ISY1: variants seen among roughly 807,000 people sequenced by gnomAD.
ISY1 encodes ISY1 spliceosome associated protein, also known as pre-mRNA-splicing factor ISY1 homolog.
In ISY1, 12 loss-of-function variants were observed where a neutral mutation model predicts 54.4. The observed-to-expected ratio is 0.22, with a 90% CI of 0.14 to 0.36. The LOEUF (loss-of-function observed/expected upper bound fraction) is 0.36. ISY1 is among the 10% of genes least tolerant of loss of function. The pLI, the probability that ISY1 is intolerant of heterozygous loss-of-function variation, is 1.00. For synonymous variants in ISY1, 96 were observed against 117.9 expected, an observed-to-expected ratio of 0.81 and a Z score of 1.20; for missense variants, 282 against 342.2, an observed-to-expected ratio of 0.82 and a Z score of 1.39.
chr3:129,133,436 C>T lies in ISY1; in HGVS notation c.663+638G>A, dbSNP rs183320901. ...TAGGGCTGGGAGCAATGGTTCACAC[C>T]TGTCATCCCAGCACTTTGGGAGGCC... On this transcript the variant is annotated intron_variant, in intron 9 of 10. Transcript: ENST00000393295. 2.6e-5 allele frequency among the ~76,000 whole-genome samples: 4 copies of T among 152,328 alleles called. No individual in the cohort carries two copies. The East Asian group carries it at 7.7e-4, about 29-fold the overall frequency.
At chr3:129,132,973 C>A (rs539961212) in intron 9 of ISY1, among the ~76,000 whole-genome samples, 17 of 152,268 alleles carry the variant, frequency 1.1e-4, no homozygotes, top group African/African-American at 4.1e-4. Flanking sequence ...TCATGTGGAA[C>A]CTGAGCCATC....
In ISY1 at chr3:129,142,182, G is replaced by T. The variant is rs1576879583; in HGVS notation, c.301-1697C>A. ...ATCGCACGCCACTGCACTCCAGCCT[G>T]GACGACAGAGCGAGACTCTGTCTCG... is the stretch of plus-strand genomic sequence containing the variant. On this transcript the variant is annotated intron_variant, in intron 6 of 10. Transcript: ENST00000393295. Among the ~76,000 whole-genome samples the T allele has an allele frequency of 2.0e-5, 3 of 147,148 alleles. No individual in the cohort carries two copies. The East Asian group carries it at 6.1e-4, about 30-fold the overall frequency.
chr3:129,159,220 A>G (rs759049218), intron 1 of ISY1, 44 bp from the exon 2 acceptor site: 4 of 1,585,158 alleles, frequency 2.5e-6, no homozygotes, highest in African/African-American at 1.4e-5. Flanking sequence ...TGTTTAAAAT[A>G]TATTTTTTTC....
At chr3:129,153,784 TCAAAACAAAA>T (rs553614533) in intron 5 of ISY1, among the ~76,000 whole-genome samples, 3 of 151,750 alleles carry the variant, frequency 2.0e-5, no homozygotes, top group Admixed American at 6.6e-5. Flanking sequence ...AGACTCTGTC[TCAAAACAAAA>T]CAAAACAAAA....
At position 129,145,788 on chromosome 3, in the gene ISY1, T is replaced by C; in HGVS notation, c.273A>G (p.Ile91Met). 6.2e-7 allele frequency: 1 copy of C among 1,614,196 alleles called. No individual in the cohort carries two copies. ...CATAATCAGGACCTCCCAGCTCCTTTATCCGGACCTCCCAGTGTCCTTTCT... is the reference window on the plus strand; with the variant it reads ...CATAATCAGGACCTCCCAGCTCCTTCATCCGGACCTCCCAGTGTCCTTTCT... The part of the protein sequence containing the change: ...LREKGHWEVR[I>M]KELGGPDYGK... Residue 91 changes from isoleucine (I) to methionine (M), a missense_variant, in exon 6 of 11, where the codon ATA (isoleucine) becomes ATG (methionine). By Grantham distance (10) the Ile-to-Met change is conservative (BLOSUM62 1). Coordinates refer to ENST00000393295, the MANE Select transcript of ISY1 (RefSeq NM_020701.4).
chr3:129,146,648 T>C (rs573441206), intron 5 of ISY1, among the ~76,000 whole-genome samples: 14 of 152,174 alleles, frequency 9.2e-5, no homozygotes, highest in Non-Finnish European at 1.9e-4. Flanking sequence ...GGATACTGCA[T>C]GTGGAGGTGG....
At chr3:129,160,037 T>C (rs536889331) in intron 1 of ISY1, among the ~76,000 whole-genome samples, 68 of 152,252 alleles carry the variant, frequency 4.5e-4, no homozygotes, top group African/African-American at 1.6e-3. Flanking sequence ...TTTTTTTTTT[T>C]TTCTTTGAGA....
At chr3:129,156,768 AGACTT>A in intron 4 of ISY1, 82 bp downstream of exon 4, 10 of 1,564,558 alleles carry the variant, frequency 6.4e-6, no homozygotes, top group Non-Finnish European at 7.8e-6. Flanking sequence ...AAAAATACTT[AGACTT>A]TTGGTCTAAC....
intron 7 of ISY1, among the ~76,000 whole-genome samples, chr3:129,139,705 C>T (rs980678956): frequency 1.3e-5 from 2 of 151,916 alleles, no homozygotes; most frequent in Non-Finnish European, 2.9e-5. Flanking sequence ...TGCAATGGCA[C>T]GATCTCGGCT....
chr3:129,159,286 C>G, intron 1 of ISY1, 110 bp from the exon 2 acceptor site: 1 of 1,383,808 alleles, frequency 7.2e-7, no homozygotes, highest in Non-Finnish European at 9.9e-7. Flanking sequence ...AAGCAAACCA[C>G]TTGAAGTACT....
At chr3:129,132,279 T>A (rs930663281) in intron 9 of ISY1, among the ~76,000 whole-genome samples, 2 of 152,168 alleles carry the variant, frequency 1.3e-5, no homozygotes, top group Non-Finnish European at 2.9e-5. Context: ...TGGGGGGAAC[T>A]GGGTGAAGCA....
In ISY1 at chr3:129,137,231, GAACATACCA is replaced by G. The variant is rs545725592; in HGVS notation, c.419-2286_419-2278del. ...TAAAAAAATTTTTAAGGCCGGAAAGGAACATACCAAACAGATAATAATGGTTATCAGTTA... is the reference window on the plus strand; with the variant it reads ...TAAAAAAATTTTTAAGGCCGGAAAGGAACAGATAATAATGGTTATCAGTTA... On this transcript the variant is annotated intron_variant, in intron 7 of 10. Transcript: ENST00000393295. 2,988 of 985,802 alleles carry G rather than the reference GAACATACCA, an allele frequency of 3.0e-3. 10 individuals are homozygous for G. The highest frequency in any genetic ancestry group is 3.4e-3 in the Non-Finnish European group (2,804 of 828,162). The allele number at this position is 985,802 out of a possible 1,614,324, so 61.1% of individuals were successfully genotyped here. A position where few individuals can be genotyped will look rare whatever the true frequency, so the allele number is the denominator to read the frequency against.
At chr3:129,146,873 C>CA (rs1485340712) in intron 5 of ISY1, among the ~76,000 whole-genome samples, 1 of 151,846 alleles carries the variant, frequency 6.6e-6, no homozygotes. Context: ...GCCTGGGCAA[C>CA]ATAGTGAAAT....
chr3:129,158,158 T>G (rs1689887172), intron 3 of ISY1, among the ~76,000 whole-genome samples: 4 of 133,298 alleles, frequency 3.0e-5, no homozygotes, highest in African/African-American at 1.1e-4. Context: ...TGCACCCTAC[T>G]TTTTTTTTTT....
At chr3:129,130,512 G>GC (rs1329911547) in intron 10 of ISY1, 38 bp downstream of exon 10, 2 of 1,608,738 alleles carry the variant, frequency 1.2e-6, no homozygotes, top group Non-Finnish European at 8.5e-7. Context: ...CTTTAGAGAA[G>GC]CCCCCGGCGC....
At chr3:129,155,191 T>C (rs753598401) in intron 5 of ISY1, among the ~76,000 whole-genome samples, 1 of 151,398 alleles carries the variant, frequency 6.6e-6, no homozygotes, top group Non-Finnish European at 1.5e-5. Context: ...TTCAGTGCTA[T>C]ATATGTATTT....
intron 7 of ISY1, among the ~76,000 whole-genome samples, chr3:129,139,398 A>T (rs544786813): frequency 5.6e-4 from 85 of 152,312 alleles, no homozygotes; most frequent in African/African-American, 1.6e-3. Flanking sequence ...TATTTTTTTT[A>T]AAATAGAAAA....
chr3:129,149,150 G>C (rs1308558385), intron 5 of ISY1, among the ~76,000 whole-genome samples: 1 of 151,798 alleles, frequency 6.6e-6, no homozygotes, highest in East Asian at 1.9e-4. Context: ...AGCCAGGCAG[G>C]GCTGGGCACA....
At chr3:129,132,314 T>C (rs1261708343) in intron 9 of ISY1, among the ~76,000 whole-genome samples, 5 of 152,154 alleles carry the variant, frequency 3.3e-5, no homozygotes, top group African/African-American at 9.7e-5. Context: ...CTGTACTCTT[T>C]GCAACTTCCT....
Sources: gnomAD v4.1 joint callset for allele counts (sites outside exome capture counted in the v4.1 genomes callset) on GRCh38, gnomAD v4.1.1 for gene constraint, MANE v1.5 for transcripts, NCBI Gene and HGNC (gene_info 2026-07-23, HGNC 2026-07-21) for gene names.